The following ZNF710 variants were observed in gnomAD, a reference collection of about 807,000 sequenced individuals.
ZNF710 encodes zinc finger protein 710.
A neutral mutation model predicts 50.6 loss-of-function variants in ZNF710; 13 were observed. That is an observed-to-expected ratio of 0.26 (90% CI 0.17 to 0.41). The LOEUF is 0.41. ZNF710 is among the 10% of genes least tolerant of loss of function. ZNF710 has a pLI of 1.00. For missense variants in ZNF710, 721 were observed against 936.6 expected (o/e 0.77, Z 3.01); for synonymous variants, 383 against 397.0 (o/e 0.96, Z 0.42).
intron 1 of ZNF710, among the ~76,000 whole-genome samples, chr15:90,065,278 G>GCCGA (rs1028422048): frequency 5.3e-5 from 8 of 152,206 alleles, no homozygotes; most frequent in Admixed American, 1.3e-4. Flanking sequence ...AGGAAGGGCC[G>GCCGA]CCGACCGTGT....
At position 90,058,701 on chromosome 15, in the gene ZNF710, T is replaced by TATATATATATATATATA. The variant is rs1567236919; in HGVS notation, c.-28-8409_-28-8408insATATATATATATATATA. 2.0e-4 allele frequency among the ~76,000 whole-genome samples: 28 copies of TATATATATATATATATA among 143,588 alleles called. 1 individual carries two copies. The highest frequency in any genetic ancestry group is 4.3e-4 in the South Asian group (2 of 4,640). 94.2% of individuals were successfully genotyped at this position (143,588 alleles called of 152,430 possible). A position where few individuals can be genotyped will look rare whatever the true frequency, so the allele number is the denominator to read the frequency against. On this transcript the variant is annotated intron_variant, in intron 1 of 4. Coordinates refer to ENST00000268154, the MANE Select transcript of ZNF710 (RefSeq NM_198526.4). ...AGAACCAGTAGGAGACACTATATATTTATATATATATATATATACACACAT... is the reference window on the plus strand; with the variant it reads ...AGAACCAGTAGGAGACACTATATATTATATATATATATATATATATATATATATATATATACACACAT...
In ZNF710 at chr15:90,067,963, A is replaced by G. The variant is rs1294933069; in HGVS notation, c.826A>G (p.Ile276Val). The change falls in exon 2 of 5, where the codon ATC becomes GTC. Residue 276 changes from isoleucine (I) to valine (V), a missense_variant. By Grantham distance (29) the Ile-to-Val change is conservative (BLOSUM62 3). Transcript: ENST00000268154. This position sits in a 1 kb window ranked among gnomAD's most constrained non-coding sequence, Gnocchi z 8.1. ...HKKAQLDRLD[I>V]NVQIDDSYLV... The stretch of plus-strand genomic sequence containing the variant: ...GAAGGCCCAGCTGGATCGGCTGGAC[A>G]TCAACGTGCAGATTGACGACTCCTA... 20 of 1,614,142 alleles carry G rather than the reference A, an allele frequency of 1.2e-5. No homozygotes were observed. Among genetic ancestry groups the G allele is most frequent in the Non-Finnish European group, 1.7e-5 (20 of 1,180,042 alleles).
intron 1 of ZNF710, among the ~76,000 whole-genome samples, chr15:90,016,622 TG>T (rs1037631386): frequency 2.0e-5 from 3 of 152,146 alleles, no homozygotes; most frequent in African/African-American, 7.2e-5. Context: ...TTAAATTTTT[TG>T]TAGAGGTGGG....
chr15:90,055,265 C>G (rs1442212755), intron 1 of ZNF710, among the ~76,000 whole-genome samples: 2 of 152,110 alleles, frequency 1.3e-5, no homozygotes, highest in Non-Finnish European at 2.9e-5. Context: ...GGGCAAGCTT[C>G]CTGAGGAAGT....
upstream of ZNF710, among the ~76,000 whole-genome samples, chr15:90,001,014 A>C (rs1297720645): frequency 1.3e-5 from 2 of 152,218 alleles, no homozygotes; most frequent in African/African-American, 2.4e-5. Context: ...AGAGAAAGAA[A>C]GAAAAGAAGG....
At chr15:90,026,014 C>T (rs1017686665) in intron 1 of ZNF710, 1 of 151,422 alleles carries the variant, frequency 6.6e-6, no homozygotes, top group African/African-American at 2.4e-5. Flanking sequence ...GGCAAATAAA[C>T]TAAGCATTCA....
intron 1 of ZNF710, among the ~76,000 whole-genome samples, chr15:90,054,733 G>T (rs145314122): frequency 2.0e-5 from 3 of 152,148 alleles, no homozygotes; most frequent in Admixed American, 1.3e-4. Flanking sequence ...TGCTTTTCCC[G>T]TTACACGAAG....
At chr15:90,049,223 G>A (rs1473419411) in intron 1 of ZNF710, among the ~76,000 whole-genome samples, 4 of 152,162 alleles carry the variant, frequency 2.6e-5, no homozygotes, top group Admixed American at 1.3e-4. Flanking sequence ...GAAGGCAGCT[G>A]TTATCCCCAT....
At position 90,068,733 on chromosome 15, in the gene ZNF710, G is replaced by GA; in HGVS notation, c.1458+141dup. The stretch of plus-strand genomic sequence containing the variant: ...TACGTACTTATTTTGATGAGTATTA[G>GA]AAATCAATTAGTATTAGAAACTAAT... On this transcript the variant is annotated intron_variant, in intron 2 of 4. Coordinates refer to ENST00000268154, the MANE Select transcript of ZNF710 (RefSeq NM_198526.4). This position sits in a 1 kb window ranked among gnomAD's most constrained non-coding sequence, Gnocchi z 5.0. 1.0e-6 allele frequency: 1 copy of GA among 992,342 alleles called. No homozygotes were observed. The highest frequency in any genetic ancestry group is 2.5e-5 in the East Asian group (1 of 39,592). The allele number at this position is 992,342 out of a possible 1,614,324, so 61.5% of individuals were successfully genotyped here. A position where few individuals can be genotyped will look rare whatever the true frequency, so the allele number is the denominator to read the frequency against.
At position 90,081,277 on chromosome 15, in the gene ZNF710, G is replaced by A. The variant is rs546023647; in HGVS notation, c.*1448G>A. 11 of 112,570 alleles carry A rather than the reference G, an allele frequency of 9.8e-5. No homozygotes were observed. The highest frequency in any genetic ancestry group is 3.5e-4 in the African/African-American group (11 of 31,016). 7.0% of individuals were successfully genotyped at this position (112,570 alleles called of 1,614,324 possible). On this transcript the variant is annotated 3_prime_UTR_variant, in exon 5 of 5. Coordinates refer to ENST00000268154, the MANE Select transcript of ZNF710 (RefSeq NM_198526.4). ...CTGCCCCTGGAACCAGAGATGACAG[G>A]CCCAGGGCAGTGAAATAGCACATTC...
chr15:90,024,185 C>T (rs1323179499), intron 1 of ZNF710, among the ~76,000 whole-genome samples: 2 of 152,202 alleles, frequency 1.3e-5, no homozygotes, highest in Non-Finnish European at 2.9e-5. Context: ...ACAAGATGCT[C>T]CACTGGGGCA....
chr15:90,036,326 C>A (rs1231681247), intron 1 of ZNF710, among the ~76,000 whole-genome samples: 1 of 146,776 alleles, frequency 6.8e-6, no homozygotes, highest in Non-Finnish European at 1.5e-5. Context: ...TATAACATTT[C>A]TCTTCCATTC....
intron 3 of ZNF710, 124 bp downstream of exon 3, chr15:90,073,386 G>C: frequency 3.6e-6 from 4 of 1,126,274 alleles, no homozygotes; most frequent in Admixed American, 4.7e-5. Context: ...AGCCCCGGCT[G>C]GGTGAAACTT....
At chr15:90,037,387 C>G (rs1445409776) in intron 1 of ZNF710, among the ~76,000 whole-genome samples, 1 of 152,208 alleles carries the variant, frequency 6.6e-6, no homozygotes, top group Admixed American at 6.5e-5. Context: ...ACCGCTCCTT[C>G]CACTGGGGCT....
At chr15:90,027,356 G>A (rs865914966) in intron 1 of ZNF710, among the ~76,000 whole-genome samples, 1 of 152,006 alleles carries the variant, frequency 6.6e-6, no homozygotes, top group Non-Finnish European at 1.5e-5. Context: ...GATCACAGGC[G>A]TGTGCCACCA....
Position 90,080,097 on chromosome 15 carries a change from T to G in ZNF710, c.*268T>G. The G allele has an allele frequency of 9.0e-6, 3 of 331,744 alleles. No homozygotes were observed. Among genetic ancestry groups the G allele is most frequent in the Non-Finnish European group, 1.6e-5 (3 of 183,588 alleles). 20.6% of individuals were successfully genotyped at this position (331,744 alleles called of 1,614,324 possible). ...CCAGATCTGGGTCTCCCTGGCCTGC[T>G]TCCGTGGGGAGTGGGAGAAGTGGGG... On this transcript the variant is annotated 3_prime_UTR_variant, in exon 5 of 5. Coordinates refer to ENST00000268154, the MANE Select transcript of ZNF710 (RefSeq NM_198526.4).
chr15:90,021,787 A>C (rs942926959), intron 1 of ZNF710, among the ~76,000 whole-genome samples: 3 of 152,182 alleles, frequency 2.0e-5, no homozygotes, highest in African/African-American at 4.8e-5. Flanking sequence ...GTCCTAGCAG[A>C]CAAAGGCGGC....
chr15:90,016,699 G>A (rs1387192165), intron 1 of ZNF710, among the ~76,000 whole-genome samples: 3 of 152,190 alleles, frequency 2.0e-5, no homozygotes, highest in Non-Finnish European at 2.9e-5. Flanking sequence ...AGGATTATAG[G>A]CGTGGGCCAC....
chr15:90,013,551 C>A (rs976606227), intron 1 of ZNF710, among the ~76,000 whole-genome samples: 1 of 152,174 alleles, frequency 6.6e-6, no homozygotes, highest in Non-Finnish European at 1.5e-5. Context: ...GGATTCATTT[C>A]TCTATAATTC....
Sources: gnomAD v4.1 joint callset for allele counts (sites outside exome capture counted in the v4.1 genomes callset) on GRCh38, gnomAD v4.1.1 for gene constraint, Gnocchi (gnomAD v3.1) non-coding constraint, MANE v1.5 for transcripts, NCBI Gene and HGNC (gene_info 2026-07-23, HGNC 2026-07-21) for gene names.